Variants in SESN1 observed in about 807,000 individuals in gnomAD.
The protein encoded by SESN1 is sestrin-1.
Under a neutral mutation model 59.3 loss-of-function variants are expected in SESN1, and 30 were observed. The ratio of observed to expected loss-of-function variants is 0.51; its 90% CI spans 0.38 to 0.69. SESN1 has a LOEUF of 0.69. Ranked by LOEUF, SESN1 falls within the 30% of genes least tolerant of loss-of-function variation. The pLI is 0.00. For synonymous variants in SESN1, 197 were observed against 219.9 expected, an observed-to-expected ratio of 0.90 and a Z score of 0.92; for missense variants, 566 against 673.0, an observed-to-expected ratio of 0.84 and a Z score of 1.76.
At chr6:109,011,818 A>G (rs2114349266) in intron 1 of SESN1, among the ~76,000 whole-genome samples, 1 of 151,958 alleles carries the variant, frequency 6.6e-6, no homozygotes, top group South Asian at 2.1e-4. Flanking sequence ...TTGTAGAGAT[A>G]GGGTCTCATT....
At chr6:109,051,505 AC>A (rs1446597657) in intron 1 of SESN1, among the ~76,000 whole-genome samples, 1 of 152,184 alleles carries the variant, frequency 6.6e-6, no homozygotes, top group Non-Finnish European at 1.5e-5. Flanking sequence ...TCCTCTTATT[AC>A]CTTTTTGCTT....
At chr6:109,081,065 A>T (rs900041614) in intron 1 of SESN1, among the ~76,000 whole-genome samples, 1 of 152,018 alleles carries the variant, frequency 6.6e-6, no homozygotes, top group Non-Finnish European at 1.5e-5. Context: ...CTGAAATCTG[A>T]AACACTTCTC....
intron 1 of SESN1, among the ~76,000 whole-genome samples, chr6:109,046,157 T>G (rs111437091): frequency 0.072 from 10,952 of 151,920 alleles, 895 homozygotes; most frequent in African/African-American, 0.2. Context: ...GAAGCTGGAC[T>G]GTACTGCTGC....
At chr6:109,028,474 T>TTA (rs1349572589) in intron 1 of SESN1, among the ~76,000 whole-genome samples, 65 of 152,146 alleles carry the variant, frequency 4.3e-4, no homozygotes, top group African/African-American at 1.5e-3. Context: ...TGCATGTATG[T>TTA]ATGTTAAATT....
At chr6:109,066,668 G>A (rs1207467131) in intron 1 of SESN1, among the ~76,000 whole-genome samples, 1 of 152,096 alleles carries the variant, frequency 6.6e-6, no homozygotes, top group Non-Finnish European at 1.5e-5. Flanking sequence ...GGCTCATGAA[G>A]ATAACTCAAA....
intron 1 of SESN1, among the ~76,000 whole-genome samples, chr6:109,037,484 CAATGCAATTATTAA>C (rs1467130014): frequency 2.6e-5 from 4 of 152,074 alleles, no homozygotes; most frequent in Admixed American, 1.3e-4. Context: ...CTCCATTACA[CAATGCAATTATTAA>C]TATATTCAGC....
At chr6:109,005,516 T>A (rs1206163088) in intron 1 of SESN1, among the ~76,000 whole-genome samples, 1 of 152,220 alleles carries the variant, frequency 6.6e-6, no homozygotes, top group Non-Finnish European at 1.5e-5. Context: ...TGGTTTTATT[T>A]CTCTACCAAA....
At chr6:109,063,665 T>C (rs1780767581) in intron 1 of SESN1, among the ~76,000 whole-genome samples, 1 of 152,200 alleles carries the variant, frequency 6.6e-6, no homozygotes, top group African/African-American at 2.4e-5. Flanking sequence ...TGCTGATCCT[T>C]TTGCTTTTAA....
chr6:108,994,698 CTTTTTTTTTT>C (rs11395949), intron 5 of SESN1, 89 bp from the exon 6 acceptor site: 12 of 293,048 alleles, frequency 4.1e-5, no homozygotes, highest in South Asian at 1.1e-4. Context: ...GAATTTATAT[CTTTTTTTTTT>C]TTTTTTTTTT....
chr6:109,045,060 C>A (rs948622002), intron 1 of SESN1, among the ~76,000 whole-genome samples: 3 of 151,968 alleles, frequency 2.0e-5, no homozygotes, highest in African/African-American at 4.8e-5. Context: ...CTTCCCCAAA[C>A]CCATTGCACT....
intron 1 of SESN1, among the ~76,000 whole-genome samples, chr6:109,069,730 T>C (rs1427949015): frequency 5.4e-5 from 8 of 148,810 alleles, no homozygotes; most frequent in Admixed American, 4.6e-4. Flanking sequence ...TATTTTTTTG[T>C]TGAGATGGTG....
chr6:109,058,161 C>T (rs890680711), intron 1 of SESN1, among the ~76,000 whole-genome samples: 14 of 152,076 alleles, frequency 9.2e-5, no homozygotes, highest in Admixed American at 2.6e-4. Context: ...CACGGCTCAC[C>T]GCAGCCTTGA....
intron 7 of SESN1, among the ~76,000 whole-genome samples, chr6:108,991,076 C>CAAT (rs1272861742): frequency 8.0e-6 from 1 of 125,604 alleles, no homozygotes; most frequent in African/African-American, 2.6e-5. Flanking sequence ...CAAAAAAAAA[C>CAAT]AACAACAAAA....
At chr6:109,049,464 C>T (rs1403931733) in intron 1 of SESN1, among the ~76,000 whole-genome samples, 1 of 151,946 alleles carries the variant, frequency 6.6e-6, no homozygotes, top group African/African-American at 2.4e-5. Context: ...TTCTAGTGTT[C>T]CATAGCAATG....
intron 1 of SESN1, among the ~76,000 whole-genome samples, chr6:109,029,269 T>C (rs1414743058): frequency 6.6e-6 from 1 of 152,186 alleles, no homozygotes; most frequent in African/African-American, 2.4e-5. Flanking sequence ...TGACTAAGGA[T>C]ACTATTAGGA....
intron 1 of SESN1, among the ~76,000 whole-genome samples, chr6:109,069,567 G>C (rs72937055): frequency 0.14 from 21,705 of 151,492 alleles, 1,984 homozygotes; most frequent in Non-Finnish European, 0.2. Context: ...TTTAAGACTG[G>C]GTCTTGCTCT....
At chr6:109,018,563 T>A (rs1248630302) in intron 1 of SESN1, among the ~76,000 whole-genome samples, 1 of 149,878 alleles carries the variant, frequency 6.7e-6, no homozygotes, top group Non-Finnish European at 1.5e-5. Context: ...AATTTTGTAA[T>A]GTTGAAGGAA....
intron 1 of SESN1, among the ~76,000 whole-genome samples, chr6:109,027,239 G>A (rs762308792): frequency 2.6e-5 from 4 of 152,048 alleles, no homozygotes; most frequent in South Asian, 2.1e-4. Context: ...TTGGGTGGCC[G>A]AGGTGGGCAG....
chr6:109,016,351 G>T (rs956705912), intron 1 of SESN1, among the ~76,000 whole-genome samples: 3 of 152,084 alleles, frequency 2.0e-5, no homozygotes, highest in African/African-American at 7.2e-5. Flanking sequence ...TCTGCAATAT[G>T]TGCTTTTCTT....
Sources: gnomAD v4.1 joint callset for allele counts (sites outside exome capture counted in the v4.1 genomes callset) on GRCh38, gnomAD v4.1.1 for gene constraint, MANE v1.5 for transcripts, NCBI Gene and HGNC (gene_info 2026-07-23, HGNC 2026-07-21) for gene names.